Variants in DLGAP1 observed in about 807,000 individuals in gnomAD.
DLGAP1 encodes the protein DLG associated protein 1.
A neutral mutation model predicts 90.8 loss-of-function variants in DLGAP1; 11 were observed. The ratio of observed to expected loss-of-function variants is 0.12; its 90% CI spans 0.08 to 0.20. The LOEUF (loss-of-function observed/expected upper bound fraction) is 0.20, where lower values mean the gene tolerates loss of function less well. DLGAP1 is among the 10% of genes least tolerant of loss of function. DLGAP1 has a pLI of 1.00. For synonymous variants in DLGAP1, 558 were observed against 540.7 expected (o/e 1.03, Z -0.44); for missense variants, 1,050 against 1,333.8 (o/e 0.79, Z 3.31).
intron 4 of DLGAP1, chr18:3,874,413 TA>T (rs2148814204): frequency 6.9e-7 from 1 of 1,442,418 alleles, no homozygotes; most frequent in East Asian, 2.5e-5. Flanking sequence ...TCTTTTAGGT[TA>T]ACAGTTGGAA....
chr18:4,091,930 T>C (rs1312988953), intron 2 of DLGAP1, among the ~76,000 whole-genome samples: 1 of 152,210 alleles, frequency 6.6e-6, no homozygotes, highest in East Asian at 1.9e-4. Flanking sequence ...CATCTCATAA[T>C]TTTTTAATGA....
At chr18:3,915,145 G>A (rs1258945612) in intron 3 of DLGAP1, among the ~76,000 whole-genome samples, 1 of 152,120 alleles carries the variant, frequency 6.6e-6, no homozygotes, top group African/African-American at 2.4e-5. Flanking sequence ...ATGCCTGTTT[G>A]CCATTTGTAT....
chr18:3,496,231 T>TA lies in DLGAP1; in HGVS notation c.*2953dup, dbSNP rs1190771572. 6.6e-6 allele frequency: 1 copy of TA among 152,192 alleles called. No homozygotes were observed. The highest frequency in any genetic ancestry group is 1.5e-5 in the Non-Finnish European group (1 of 68,036). The allele number at this position is 152,192 out of a possible 1,614,324, so 9.4% of individuals were successfully genotyped here. Reference sequence around the variant, plus strand: ...TTTTTTTCCAAACCAAAATAATTTTTAAAAATTACATTTGGGAATTCAGAT... The same window carrying TA: ...TTTTTTTCCAAACCAAAATAATTTTTAAAAAATTACATTTGGGAATTCAGAT... On this transcript the variant is annotated 3_prime_UTR_variant, in exon 13 of 13. Transcript: ENST00000315677.
chr18:3,629,834 CTT>C (rs1403565803), intron 7 of DLGAP1, among the ~76,000 whole-genome samples: 4 of 152,210 alleles, frequency 2.6e-5, no homozygotes, highest in Non-Finnish European at 4.4e-5. Flanking sequence ...TTCGATGTCC[CTT>C]TCTTGTGAAG....
At chr18:4,191,860 T>G (rs77278421) in intron 1 of DLGAP1, among the ~76,000 whole-genome samples, 6,872 of 152,216 alleles carry the variant, frequency 0.045, 181 homozygotes, top group Middle Eastern at 0.082. Flanking sequence ...TGCTGTTCAT[T>G]TCTTCTAATG....
In DLGAP1 at chr18:3,880,044, T is replaced by G. The variant is rs761679202; in HGVS notation, c.25A>C (p.Ser9Arg). The G allele has an allele frequency of 6.2e-7, 1 of 1,603,552 alleles. No individual in the cohort carries two copies. The highest frequency in any genetic ancestry group is 1.1e-5 in the South Asian group (1 of 90,990). Residue 9 changes from serine to arginine, a missense_variant, in exon 4 of 13, where the codon AGC becomes CGC. This residue lies in a region of DLGAP1 where 485 missense variants were observed against 454.1 expected (regional missense o/e 1.07). Transcript: ENST00000315677. MKGLSGSR[S>R]HHHGVTCDSA... ...TCGCAGGTGACCCCGTGGTGATGGC[T>G]GCGGCTGCCTGATAGCCCTTTCATG...
chr18:4,395,226 G>C (rs1400184747), intron 1 of DLGAP1, among the ~76,000 whole-genome samples: 1 of 152,120 alleles, frequency 6.6e-6, no homozygotes, highest in Non-Finnish European at 1.5e-5. Flanking sequence ...AAAAGAAAAA[G>C]AAAGAGAAAG....
chr18:3,641,584 T>TACACACACAC (rs1381099647), intron 7 of DLGAP1, among the ~76,000 whole-genome samples: 4 of 125,146 alleles, frequency 3.2e-5, no homozygotes, highest in African/African-American at 9.7e-5. Flanking sequence ...CACATATATA[T>TACACACACAC]ATACACACAC....
At chr18:4,120,134 T>C (rs1026836291) in intron 2 of DLGAP1, among the ~76,000 whole-genome samples, 1 of 152,262 alleles carries the variant, frequency 6.6e-6, no homozygotes, top group Non-Finnish European at 1.5e-5. Context: ...TGAAGATTAA[T>C]TATAATGCTA....
rs537504535 is a variant in DLGAP1, at chr18:3,793,670, C to T, written c.1172+20389G>A. Among the ~76,000 whole-genome samples, 24 of 152,268 alleles carry T rather than the reference C, an allele frequency of 1.6e-4. 2 individuals are homozygous for T. The South Asian group carries it at 5.0e-3, about 32-fold the overall frequency. The stretch of plus-strand genomic sequence containing the variant: ...CTTCTTGAGCCTAGCTCTCTCTTTG[C>T]GCTCTCTGCTGTGGCCACCCCTGCT... On this transcript the variant is annotated intron_variant, in intron 5 of 12. Transcript: ENST00000315677.
chr18:3,886,617 T>C (rs1354830555), intron 3 of DLGAP1, among the ~76,000 whole-genome samples: 1 of 152,146 alleles, frequency 6.6e-6, no homozygotes, highest in South Asian at 2.1e-4. Flanking sequence ...CTCTAAATGA[T>C]CATCCTTCTA....
chr18:3,977,680 A>ATGG (rs2073624326), intron 3 of DLGAP1: 1 of 320,328 alleles, frequency 3.1e-6, no homozygotes, highest in Non-Finnish European at 6.0e-6. Flanking sequence ...AAGGTCTACT[A>ATGG]CCCTGTTGCT....
intron 7 of DLGAP1, among the ~76,000 whole-genome samples, chr18:3,691,058 C>A (rs556928950): frequency 9.8e-5 from 15 of 152,344 alleles, no homozygotes; most frequent in African/African-American, 3.6e-4. Context: ...AAAGACCATT[C>A]CTGACAAAGG....
chr18:3,900,223 T>C (rs1397869963), intron 3 of DLGAP1, among the ~76,000 whole-genome samples: 2 of 152,292 alleles, frequency 1.3e-5, no homozygotes, highest in East Asian at 3.9e-4. Context: ...GGGAATCTGA[T>C]ATTGGCAACA....
intron 1 of DLGAP1, among the ~76,000 whole-genome samples, chr18:4,299,708 AC>A (rs1161597980): frequency 2.6e-5 from 4 of 152,196 alleles, no homozygotes; most frequent in Non-Finnish European, 5.9e-5. Flanking sequence ...CACAAAAAAA[AC>A]AAACAAAATA....
chr18:3,600,963 T>TA (rs945700304), intron 7 of DLGAP1, among the ~76,000 whole-genome samples: 3 of 97,434 alleles, frequency 3.1e-5, no homozygotes, highest in African/African-American at 1.2e-4. Context: ...TATATATAGA[T>TA]ATATAGATAG....
At chr18:3,554,876 T>C (rs1429390834) in intron 9 of DLGAP1, among the ~76,000 whole-genome samples, 1 of 152,178 alleles carries the variant, frequency 6.6e-6, no homozygotes, top group East Asian at 1.9e-4. Context: ...ACAAGGTCTT[T>C]TAATCATTTC....
chr18:4,389,320 G>A (rs2144403603), intron 1 of DLGAP1, among the ~76,000 whole-genome samples: 1 of 152,234 alleles, frequency 6.6e-6, no homozygotes, highest in Non-Finnish European at 1.5e-5. Flanking sequence ...CAAATTCACA[G>A]CAAGAGAAAT....
At chr18:3,665,349 A>C (rs2059841651) in intron 7 of DLGAP1, among the ~76,000 whole-genome samples, 1 of 151,236 alleles carries the variant, frequency 6.6e-6, no homozygotes, top group Non-Finnish European at 1.5e-5. Context: ...TACCTTCCAT[A>C]ACCATTGCTC....
Sources: allele counts gnomAD v4.1 joint callset (sites outside exome capture counted in the v4.1 genomes callset), GRCh38; gene constraint gnomAD v4.1.1; regional missense constraint gnomAD v4.1.1; transcripts MANE v1.5; gene names NCBI Gene and HGNC (gene_info 2026-07-23, HGNC 2026-07-21).